DNAJC15: variants seen among roughly 807,000 people sequenced by gnomAD.
DNAJC15 encodes DnaJ heat shock protein family (Hsp40) member C15, also known as dnaJ homolog subfamily C member 15.
DNAJC15 carries 27 observed loss-of-function variants against 22.4 expected under a neutral mutation model. That is an observed-to-expected ratio of 1.20 (90% CI 0.89 to 1.66). DNAJC15 has a LOEUF of 1.66. DNAJC15 is among the 40% of genes most tolerant of loss of function. The pLI is 0.00. For synonymous variants in DNAJC15, 79 were observed against 63.2 expected (o/e 1.25, Z -1.19); for missense variants, 208 against 187.1 (o/e 1.11, Z -0.65).
rs1029843803 is a variant in DNAJC15, at chr13:43,108,295, T to A, written c.*1047T>A. 4 of 152,154 alleles carry A rather than the reference T, an allele frequency of 2.6e-5. No individual in the cohort carries two copies. Among genetic ancestry groups the A allele is most frequent in the African/African-American group, 9.7e-5 (4 of 41,436 alleles). 9.4% of individuals were successfully genotyped at this position (152,154 alleles called of 1,614,324 possible). On this transcript the variant is annotated 3_prime_UTR_variant, in exon 6 of 6. Coordinates refer to ENST00000379221, the MANE Select transcript of DNAJC15 (RefSeq NM_013238.3). Reference sequence around the variant, plus strand: ...AAATAGATATATCAATCGGAGTGATTAGAGTGCAGGGTTTCTGGAAAGCAA... The same window carrying A: ...AAATAGATATATCAATCGGAGTGATAAGAGTGCAGGGTTTCTGGAAAGCAA...
intron 1 of DNAJC15, among the ~76,000 whole-genome samples, chr13:43,049,401 CAA>C (rs141807143): frequency 6.6e-6 from 1 of 152,172 alleles, no homozygotes; most frequent in African/African-American, 2.4e-5. Context: ...ATAAAAGAAA[CAA>C]AATACAGATC....
At chr13:43,054,434 G>C (rs1235517023) in intron 1 of DNAJC15, among the ~76,000 whole-genome samples, 1 of 152,132 alleles carries the variant, frequency 6.6e-6, no homozygotes, top group Non-Finnish European at 1.5e-5. Flanking sequence ...AATGATTTAG[G>C]GAGGATTCCC....
chr13:43,107,508 G>A lies in DNAJC15; in HGVS notation c.*260G>A, dbSNP rs2040803276. On this transcript the variant is annotated 3_prime_UTR_variant, in exon 6 of 6. Coordinates refer to ENST00000379221, the MANE Select transcript of DNAJC15 (RefSeq NM_013238.3). ...CATACATTTTTAAGATTTTTGTTATGTTCTGAATTCCCCCCTACACACACA... is the reference window on the plus strand; with the variant it reads ...CATACATTTTTAAGATTTTTGTTATATTCTGAATTCCCCCCTACACACACA... 1 of 208,534 alleles carries A rather than the reference G, an allele frequency of 4.8e-6. No homozygotes were observed. The highest frequency in any genetic ancestry group is 8.9e-6 in the Non-Finnish European group (1 of 112,348). 12.9% of individuals were successfully genotyped at this position (208,534 alleles called of 1,614,324 possible). A position where few individuals can be genotyped will look rare whatever the true frequency, so the allele number is the denominator to read the frequency against.
In DNAJC15 at chr13:43,048,284, A is replaced by C. The variant is rs560512821; in HGVS notation, c.109-17402A>C. 2.0e-5 allele frequency among the ~76,000 whole-genome samples: 3 copies of C among 151,058 alleles called. No homozygotes were observed. In the Admixed American group the frequency reaches 2.0e-4, roughly 10 times the overall value. ...CACCTGAGGTCAGGAGTTCAAGACC[A>C]GCCTGACCAAAATGGAGAAACCTCG... On this transcript the variant is annotated intron_variant, in intron 1 of 5. Transcript: ENST00000379221.
At chr13:43,062,784 T>G (rs921522730) in intron 1 of DNAJC15, among the ~76,000 whole-genome samples, 4 of 152,092 alleles carry the variant, frequency 2.6e-5, no homozygotes, top group African/African-American at 7.2e-5. Context: ...AATGGTGCAG[T>G]CTTGGCTCAC....
In DNAJC15 at chr13:43,107,300, A is replaced by AC; in HGVS notation, c.*52_*53insC. 6.9e-7 allele frequency: 1 copy of AC among 1,456,796 alleles called. No homozygotes were observed. Among genetic ancestry groups the AC allele is most frequent in the Non-Finnish European group, 9.1e-7 (1 of 1,095,794 alleles). The allele number at this position is 1,456,796 out of a possible 1,614,324, so 90.2% of individuals were successfully genotyped here. A position where few individuals can be genotyped will look rare whatever the true frequency, so the allele number is the denominator to read the frequency against. ...AAAAAGAGGGGACTTCGAAAAAAAA[A>AC]AAAGCCCTGCAAAATATTCTAAAAC... On this transcript the variant is annotated 3_prime_UTR_variant, in exon 6 of 6. Transcript: ENST00000379221.
intron 1 of DNAJC15, among the ~76,000 whole-genome samples, chr13:43,045,446 G>A (rs1266160621): frequency 7.9e-5 from 12 of 152,092 alleles, no homozygotes; most frequent in Admixed American, 5.2e-4. Flanking sequence ...TCCCTTTTAC[G>A]GGCACACAAC....
At chr13:43,066,337 A>G (rs1417711769) in intron 2 of DNAJC15, among the ~76,000 whole-genome samples, 3 of 151,586 alleles carry the variant, frequency 2.0e-5, no homozygotes, top group Non-Finnish European at 4.4e-5. Flanking sequence ...TTCCTGGCCT[A>G]CAGAGTTTGC....
intron 5 of DNAJC15, among the ~76,000 whole-genome samples, chr13:43,106,933 TATTCCTG>T (rs2040799590): frequency 6.6e-6 from 1 of 152,020 alleles, no homozygotes; most frequent in Admixed American, 6.6e-5. Context: ...TTGTTCAAGT[TATTCCTG>T]ATTATAACTT....
At chr13:43,029,998 AAAG>A (rs71777033) in intron 1 of DNAJC15, among the ~76,000 whole-genome samples, 33,197 of 151,944 alleles carry the variant, frequency 0.22, 3,697 homozygotes, top group Non-Finnish European at 0.24. Context: ...GGAATTAAAA[AAAG>A]AATAAGATAA....
intron 5 of DNAJC15, among the ~76,000 whole-genome samples, chr13:43,106,827 CTG>C (rs1228339648): frequency 7.3e-5 from 11 of 150,928 alleles, no homozygotes; most frequent in Admixed American, 5.3e-4. Context: ...ATGGAAAAGA[CTG>C]TTATTTTACT....
intron 1 of DNAJC15, among the ~76,000 whole-genome samples, chr13:43,051,036 G>T (rs573470135): frequency 6.6e-6 from 1 of 152,078 alleles, no homozygotes; most frequent in Non-Finnish European, 1.5e-5. Flanking sequence ...GTGCAATGGC[G>T]CAATCTCAGC....
intron 3 of DNAJC15, among the ~76,000 whole-genome samples, chr13:43,077,288 G>GTCATTTGAAGCTTGCACA: frequency 6.6e-6 from 1 of 152,300 alleles, no homozygotes; most frequent in Non-Finnish European, 1.5e-5. Flanking sequence ...GCACAGCTTG[G>GTCATTTGAAGCTTGCACA]GTTCTCTGGA....
rs1196279362 is a variant in DNAJC15, at chr13:43,108,893, T to C, written c.*1645T>C. On this transcript the variant is annotated 3_prime_UTR_variant, in exon 6 of 6. Transcript: ENST00000379221. Reference sequence around the variant, plus strand: ...CCTTGAAGTCGATAAAATATATTTCTTGCTTTAAAGTCCCCATACGTGTCC... The same window carrying C: ...CCTTGAAGTCGATAAAATATATTTCCTGCTTTAAAGTCCCCATACGTGTCC... 6.6e-6 allele frequency: 1 copy of C among 152,232 alleles called. No individual in the cohort carries two copies. The highest frequency in any genetic ancestry group is 2.4e-5 in the African/African-American group (1 of 41,464). 9.4% of individuals were successfully genotyped at this position (152,232 alleles called of 1,614,324 possible).
At position 43,107,523 on chromosome 13, in the gene DNAJC15, CTA is replaced by C. The variant is rs2040803360; in HGVS notation, c.*276_*277del. On this transcript the variant is annotated 3_prime_UTR_variant, in exon 6 of 6. Transcript: ENST00000379221. The stretch of plus-strand genomic sequence containing the variant: ...TTTTTGTTATGTTCTGAATTCCCCC[CTA>C]CACACACACACACACACACACACAC... The C allele has an allele frequency of 1.1e-5, 1 of 93,710 alleles. No individual in the cohort carries two copies. The highest frequency in any genetic ancestry group is 1.9e-5 in the Non-Finnish European group (1 of 51,768). The allele number at this position is 93,710 out of a possible 1,614,324, so 5.8% of individuals were successfully genotyped here. A position where few individuals can be genotyped will look rare whatever the true frequency, so the allele number is the denominator to read the frequency against.
At chr13:43,076,432 TA>T (rs945625557) in intron 3 of DNAJC15, among the ~76,000 whole-genome samples, 1 of 152,228 alleles carries the variant, frequency 6.6e-6, no homozygotes, top group African/African-American at 2.4e-5. Context: ...GTCATTTCCT[TA>T]GTTTCTTTTA....
chr13:43,025,060 C>CAAAA (rs2040374524), intron 1 of DNAJC15, among the ~76,000 whole-genome samples: 1 of 150,934 alleles, frequency 6.6e-6, no homozygotes, highest in Non-Finnish European at 1.5e-5. Context: ...ACCCTGTCTC[C>CAAAA]AACAAAGAAA....
intron 1 of DNAJC15, among the ~76,000 whole-genome samples, chr13:43,024,911 ATT>A (rs1405019483): frequency 1.1e-4 from 15 of 140,126 alleles, no homozygotes; most frequent in African/African-American, 3.9e-4. Context: ...AAAAAAAAAA[ATT>A]AGCTGGGTGT....
intron 1 of DNAJC15, among the ~76,000 whole-genome samples, chr13:43,061,991 C>T (rs1294398870): frequency 2.6e-5 from 4 of 152,192 alleles, no homozygotes; most frequent in Non-Finnish European, 5.9e-5. Flanking sequence ...CCGTCTCTCA[C>T]ATGCAATACA....
Sources: allele counts gnomAD v4.1 joint callset (sites outside exome capture counted in the v4.1 genomes callset), GRCh38; gene constraint gnomAD v4.1.1; transcripts MANE v1.5; gene names NCBI Gene and HGNC (gene_info 2026-07-23, HGNC 2026-07-21).